Variants in BMP7 observed in about 807,000 individuals in gnomAD.
The protein encoded by BMP7 is osteogenic protein 1.
Under a neutral mutation model 41.2 loss-of-function variants are expected in BMP7, and 12 were observed. The observed-to-expected ratio is 0.29, with a 90% confidence interval of 0.19 to 0.47. The LOEUF (loss-of-function observed/expected upper bound fraction) is 0.47. BMP7 is among the 20% of genes least tolerant of loss of function. The pLI is 0.99. For synonymous variants in BMP7, 248 were observed against 250.0 expected (o/e 0.99, Z 0.07); for missense variants, 467 against 606.0 (o/e 0.77, Z 2.41).
chr20:57,173,057 T>TA (rs1428628583), intron 6 of BMP7, 143 bp downstream of exon 6: 1 of 813,222 alleles, frequency 1.2e-6, no homozygotes, highest in African/African-American at 1.7e-5. Flanking sequence ...GATTTTTTTT[T>TA]AACGGCGCAA....
intron 3 of BMP7, among the ~76,000 whole-genome samples, chr20:57,198,484 C>T (rs1319895567): frequency 6.6e-6 from 1 of 152,218 alleles, no homozygotes; most frequent in Admixed American, 6.5e-5. Flanking sequence ...AGACCAGGCT[C>T]CCCGCTCGGC....
rs1474518545 is a variant in BMP7 at position 57,170,399 on chromosome 20, C to T, written c.*560G>A. 1.6e-5 allele frequency: 3 copies of T among 191,884 alleles called. No individual in the cohort carries two copies. Among genetic ancestry groups the T allele is most frequent in the South Asian group, 2.1e-4 (2 of 9,746 alleles). The allele number at this position is 191,884 out of a possible 1,614,324, so 11.9% of individuals were successfully genotyped here. On this transcript the variant is annotated 3_prime_UTR_variant, in exon 7 of 7. Coordinates refer to ENST00000395863, the MANE Select transcript of BMP7 (RefSeq NM_001719.3). ...TGTAGGGAATGGAGAGGGACCTCCCCGCCCTCCACTTGACACAGCTTCTGT... is the reference window on the plus strand; with the variant it reads ...TGTAGGGAATGGAGAGGGACCTCCCTGCCCTCCACTTGACACAGCTTCTGT...
chr20:57,255,395 C>T (rs1195491276), intron 1 of BMP7, among the ~76,000 whole-genome samples: 1 of 152,228 alleles, frequency 6.6e-6, no homozygotes, highest in Non-Finnish European at 1.5e-5. Flanking sequence ...ACAGAAAGGT[C>T]TTAGCCCTCT....
intron 3 of BMP7, among the ~76,000 whole-genome samples, chr20:57,195,822 T>C (rs1382180792): frequency 5.9e-5 from 9 of 152,188 alleles, no homozygotes. Flanking sequence ...GGAGAGACGC[T>C]CAGGGCTCTC....
At chr20:57,198,152 C>T (rs535843033) in intron 3 of BMP7, among the ~76,000 whole-genome samples, 1 of 134,698 alleles carries the variant, frequency 7.4e-6, no homozygotes, top group Non-Finnish European at 1.6e-5. Flanking sequence ...TCTCCTCTCC[C>T]CCTCCTCTCT....
chr20:57,238,700 GA>G (rs994412412), intron 1 of BMP7, among the ~76,000 whole-genome samples: 75 of 145,978 alleles, frequency 5.1e-4, no homozygotes, highest in African/African-American at 6.5e-4. Context: ...CCGAGACCAG[GA>G]AAAAAAAAAA....
chr20:57,246,518 C>T (rs963078407), intron 1 of BMP7, among the ~76,000 whole-genome samples: 1 of 152,190 alleles, frequency 6.6e-6, no homozygotes, highest in Non-Finnish European at 1.5e-5. Context: ...AGTTCAGGAT[C>T]AAGTGTAAGA....
intron 1 of BMP7, among the ~76,000 whole-genome samples, chr20:57,230,037 C>T (rs1247392397): frequency 6.6e-6 from 1 of 152,202 alleles, no homozygotes; most frequent in Non-Finnish European, 1.5e-5. Context: ...ACAGGAGCAT[C>T]CCTGTCTTTG....
chr20:57,219,754 G>A (rs138360859), intron 2 of BMP7, among the ~76,000 whole-genome samples: 83 of 152,250 alleles, frequency 5.5e-4, no homozygotes, highest in Middle Eastern at 3.4e-3. Context: ...GTCACCCTTC[G>A]GGGTGCTCTG....
In BMP7 at chr20:57,170,846, G is replaced by T; in HGVS notation, c.*113C>A. ...ATACTCTCACACCTTTAAAGTTGGG[G>T]ATAGGGAGGGGAAGGTCTCACAAAA... is the stretch of plus-strand genomic sequence containing the variant. On this transcript the variant is annotated 3_prime_UTR_variant, in exon 7 of 7. Coordinates refer to ENST00000395863, the MANE Select transcript of BMP7 (RefSeq NM_001719.3). 3 of 1,348,232 alleles carry T rather than the reference G, an allele frequency of 2.2e-6. No homozygotes were observed. The highest frequency in any genetic ancestry group is 3.1e-6 in the Non-Finnish European group (3 of 969,342). 83.5% of individuals were successfully genotyped at this position (1,348,232 alleles called of 1,614,324 possible). A position where few individuals can be genotyped will look rare whatever the true frequency, so the allele number is the denominator to read the frequency against.
chr20:57,190,556 A>C (rs1465405968), intron 3 of BMP7, among the ~76,000 whole-genome samples: 2 of 150,878 alleles, frequency 1.3e-5, no homozygotes, highest in Admixed American at 1.3e-4. Flanking sequence ...CTCCCAGCCC[A>C]GTGGGGGATT....
chr20:57,253,685 T>G (rs1173868395), intron 1 of BMP7, among the ~76,000 whole-genome samples: 1 of 152,154 alleles, frequency 6.6e-6, no homozygotes, highest in Non-Finnish European at 1.5e-5. Context: ...CTCATGGACA[T>G]CCATGCACCC....
intron 4 of BMP7, chr20:57,177,950 C>T (rs561143525): frequency 6.6e-6 from 1 of 152,302 alleles, no homozygotes; most frequent in Non-Finnish European, 1.5e-5. Context: ...AGGTGTAAGA[C>T]AGCAAAGCCC....
intron 2 of BMP7, among the ~76,000 whole-genome samples, chr20:57,203,087 A>G (rs913981744): frequency 6.6e-6 from 1 of 152,110 alleles, no homozygotes; most frequent in Non-Finnish European, 1.5e-5. Context: ...CACTCAATTT[A>G]TGGTAAAGCC....
chr20:57,236,716 G>T (rs1464892186), intron 1 of BMP7, among the ~76,000 whole-genome samples: 1 of 151,512 alleles, frequency 6.6e-6, no homozygotes, highest in Admixed American at 6.6e-5. Flanking sequence ...TTGGTCACTG[G>T]TTGCTCAGAG....
chr20:57,245,773 C>T (rs1025835123), intron 1 of BMP7, among the ~76,000 whole-genome samples: 5 of 151,418 alleles, frequency 3.3e-5, no homozygotes, highest in Non-Finnish European at 5.9e-5. Context: ...CGAGTATCTG[C>T]GATTACAGGC....
intron 2 of BMP7, among the ~76,000 whole-genome samples, chr20:57,222,871 T>G (rs1985222019): frequency 8.0e-6 from 1 of 125,776 alleles, no homozygotes. Flanking sequence ...TCCAGAAGCC[T>G]CTGGAGCCAG....
At chr20:57,226,008 C>T (rs1048798147) in intron 2 of BMP7, 2 of 464,946 alleles carry the variant, frequency 4.3e-6, no homozygotes, top group Non-Finnish European at 9.0e-6. Flanking sequence ...CCCCCAGGAG[C>T]AGGACCCCAG....
intron 1 of BMP7, among the ~76,000 whole-genome samples, chr20:57,254,730 C>T (rs1170738834): frequency 6.6e-6 from 1 of 152,082 alleles, no homozygotes; most frequent in Admixed American, 6.5e-5. Context: ...AGAGCTACAC[C>T]TGCTTCTCTC....
Sources: allele counts gnomAD v4.1 joint callset (sites outside exome capture counted in the v4.1 genomes callset), GRCh38; gene constraint gnomAD v4.1.1; transcripts MANE v1.5; gene names NCBI Gene and HGNC (gene_info 2026-07-23, HGNC 2026-07-21).